Variants in GOLGA8B observed in about 807,000 individuals in gnomAD.
The protein encoded by GOLGA8B is golgin A8 family member B.
In GOLGA8B, 1 loss-of-function variant was observed where a neutral mutation model predicts 15.6. That is an observed-to-expected ratio of 0.06 (90% CI 0.02 to 0.30). The LOEUF is 0.30. Among genes scored for constraint, GOLGA8B ranks in the 10% least tolerant of loss-of-function variants. GOLGA8B has a pLI of 1.00. For synonymous variants in GOLGA8B, 9 were observed against 80.3 expected (o/e 0.11, Z 4.75); for missense variants, 17 against 201.3 (o/e 0.08, Z 5.54).
chr15:34,567,702 TGAC>T, intron 1 of GOLGA8B, among the ~76,000 whole-genome samples: 1 of 151,966 alleles, frequency 6.6e-6, no homozygotes, highest in East Asian at 1.9e-4. Flanking sequence ...ACCCAGGAAA[TGAC>T]GCACACGGGC....
intron 1 of GOLGA8B, among the ~76,000 whole-genome samples, chr15:34,574,232 G>A (rs1889003945): frequency 6.6e-6 from 1 of 151,746 alleles, no homozygotes; most frequent in Non-Finnish European, 1.5e-5. Context: ...ATGATACAAA[G>A]GTCTAATCGC....
rs899347635 is a variant in GOLGA8B at position 34,526,926 on chromosome 15, T to C, written c.*706A>G. ...AACTGCCACAGTACAGTGCTCATTC[T>C]TGGCACCGGAACAGATGAAACACAC... On this transcript the variant is annotated 3_prime_UTR_variant, in exon 24 of 24. Transcript: ENST00000683415. 1.3e-5 allele frequency: 2 copies of C among 153,294 alleles called. 1 individual carries two copies. Among genetic ancestry groups the C allele is most frequent in the Admixed American group, 1.3e-4 (2 of 15,272 alleles). The allele number at this position is 153,294 out of a possible 1,614,324, so 9.5% of individuals were successfully genotyped here.
At chr15:34,571,468 G>C (rs1372541173) in intron 1 of GOLGA8B, among the ~76,000 whole-genome samples, 1 of 151,850 alleles carries the variant, frequency 6.6e-6, no homozygotes, top group Non-Finnish European at 1.5e-5. Context: ...ACGGTAGATA[G>C]TGGCACAACA....
chr15:34,575,947 C>G (rs1477818181), intron 1 of GOLGA8B, among the ~76,000 whole-genome samples: 1 of 152,212 alleles, frequency 6.6e-6, no homozygotes, highest in African/African-American at 2.4e-5. Flanking sequence ...ATGGACAGTG[C>G]TCCAGGCAAA....
intron 1 of GOLGA8B, among the ~76,000 whole-genome samples, chr15:34,564,904 C>T (rs1434712696): frequency 6.9e-6 from 1 of 144,082 alleles, no homozygotes; most frequent in Admixed American, 6.8e-5. Flanking sequence ...GGCACAAACA[C>T]ATGGCACATT....
At position 34,525,403 on chromosome 15, in the gene GOLGA8B, T is replaced by C. The variant is rs1465076075; in HGVS notation, c.*2229A>G. On this transcript the variant is annotated 3_prime_UTR_variant, in exon 24 of 24. Coordinates refer to ENST00000683415, the MANE Select transcript of GOLGA8B (RefSeq NM_001023567.5). ...CATTCTGTTAACAAGAACCCATACATTGGTAAAATTCATTCTAAGAAAACT... is the reference window on the plus strand; with the variant it reads ...CATTCTGTTAACAAGAACCCATACACTGGTAAAATTCATTCTAAGAAAACT... 5.3e-5 allele frequency: 8 copies of C among 150,004 alleles called. 1 individual carries two copies. The East Asian group carries it at 7.8e-4, about 15-fold the overall frequency. The allele number at this position is 150,004 out of a possible 1,614,324, so 9.3% of individuals were successfully genotyped here. A position where few individuals can be genotyped will look rare whatever the true frequency, so the allele number is the denominator to read the frequency against.
In GOLGA8B at chr15:34,525,139, C is replaced by A. The variant is rs1894416747; in HGVS notation, c.*2493G>T. 1 of 149,720 alleles carries A rather than the reference C, an allele frequency of 6.7e-6. No homozygotes were observed. Among genetic ancestry groups the A allele is most frequent in the Admixed American group, 6.8e-5 (1 of 14,732 alleles). 9.3% of individuals were successfully genotyped at this position (149,720 alleles called of 1,614,324 possible). On this transcript the variant is annotated 3_prime_UTR_variant, in exon 24 of 24. Transcript: ENST00000683415. ...TTTTATTTTGTGTTCTTTTAATAAA[C>A]ACTTGCATAGTTATACTACAATTTT...
intron 1 of GOLGA8B, among the ~76,000 whole-genome samples, chr15:34,575,897 AG>A: frequency 6.6e-6 from 1 of 152,344 alleles, no homozygotes. Flanking sequence ...GGAATATAGT[AG>A]CTGCTTGGAA....
intron 1 of GOLGA8B, among the ~76,000 whole-genome samples, chr15:34,573,607 T>C (rs1426730985): frequency 7.7e-6 from 1 of 130,374 alleles, no homozygotes; most frequent in Non-Finnish European, 1.6e-5. Flanking sequence ...ACATAGAAAA[T>C]AATCGAGTCC....
At chr15:34,579,094 C>G (rs941429892) in intron 1 of GOLGA8B, among the ~76,000 whole-genome samples, 2 of 151,954 alleles carry the variant, frequency 1.3e-5, no homozygotes, top group Admixed American at 6.6e-5. Context: ...GCCTCATGCG[C>G]ACATTGCAGA....
intron 1 of GOLGA8B, among the ~76,000 whole-genome samples, chr15:34,564,968 G>A (rs1414779090): frequency 1.4e-5 from 2 of 143,620 alleles, no homozygotes; most frequent in African/African-American, 5.0e-5. Context: ...GATGAATTAA[G>A]GGGCTGGAAA....
rs1253977988 is a variant in GOLGA8B at position 34,525,658 on chromosome 15, G to C, written c.*1974C>G. The C allele has an allele frequency of 2.0e-5, 3 of 149,634 alleles. No individual in the cohort carries two copies. Among genetic ancestry groups the C allele is most frequent in the Non-Finnish European group, 3.0e-5 (2 of 67,198 alleles). The allele number at this position is 149,634 out of a possible 1,614,324, so 9.3% of individuals were successfully genotyped here. ...ATACCACTATTAGCCACATTATTTG[G>C]TCTAATATTTTTTCTTTATTATTCT... On this transcript the variant is annotated 3_prime_UTR_variant, in exon 24 of 24. Coordinates refer to ENST00000683415, the MANE Select transcript of GOLGA8B (RefSeq NM_001023567.5).
In GOLGA8B at chr15:34,556,887, C is replaced by T. The variant is rs754588817; in HGVS notation, c.-1122-2931G>A. 371 of 856,822 alleles carry T rather than the reference C, an allele frequency of 4.3e-4. 1 individual carries two copies. The Middle Eastern group carries it at 4.4e-3, about 10-fold the overall frequency. The allele number at this position is 856,822 out of a possible 1,614,324, so 53.1% of individuals were successfully genotyped here. A position where few individuals can be genotyped will look rare whatever the true frequency, so the allele number is the denominator to read the frequency against. On this transcript the variant is annotated intron_variant, in intron 1 of 23. Coordinates refer to ENST00000683415, the MANE Select transcript of GOLGA8B (RefSeq NM_001023567.5). Reference sequence around the variant, plus strand: ...GCAAGGGACCTCAGGGTACAGGCCTCGCAGATGCTGAAGCGAGGAGGTGGG... The same window carrying T: ...GCAAGGGACCTCAGGGTACAGGCCTTGCAGATGCTGAAGCGAGGAGGTGGG...
At chr15:34,573,015 C>T (rs77139108) in intron 1 of GOLGA8B, among the ~76,000 whole-genome samples, 9,923 of 147,410 alleles carry the variant, frequency 0.067, no homozygotes, top group South Asian at 0.17. Flanking sequence ...CTCAGGAGAC[C>T]GAGGCAGGAG....
Position 34,527,262 on chromosome 15 carries a change from T to A in GOLGA8B, c.*370A>T. ...TGAATTCTGTAATGAACATCCATGC[T>A]GCAATAACATTAAAAAAGCACGGGA... On this transcript the variant is annotated 3_prime_UTR_variant, in exon 24 of 24. Coordinates refer to ENST00000683415, the MANE Select transcript of GOLGA8B (RefSeq NM_001023567.5). 1 of 355,020 alleles carries A rather than the reference T, an allele frequency of 2.8e-6. No individual in the cohort carries two copies. The highest frequency in any genetic ancestry group is 5.3e-6 in the Non-Finnish European group (1 of 188,434). 22.0% of individuals were successfully genotyped at this position (355,020 alleles called of 1,614,324 possible).
intron 1 of GOLGA8B, among the ~76,000 whole-genome samples, chr15:34,574,459 A>G (rs1243897807): frequency 6.6e-6 from 1 of 151,640 alleles, no homozygotes; most frequent in African/African-American, 2.4e-5. Context: ...ATGAGCCACC[A>G]CATCTGGCTA....
At chr15:34,557,973 A>AG in intron 1 of GOLGA8B, among the ~76,000 whole-genome samples, 2 of 127,240 alleles carry the variant, frequency 1.6e-5, no homozygotes, top group Middle Eastern at 7.4e-3. Context: ...TGAGCAGCTC[A>AG]GGAAAACTAC....
Position 34,564,865 on chromosome 15 carries a change from T to G in GOLGA8B, c.-1122-10909A>C, listed in dbSNP as rs1888718274. Among the ~76,000 whole-genome samples the G allele has an allele frequency of 1.4e-5, 2 of 144,080 alleles. 1 individual carries two copies. Among genetic ancestry groups the G allele is most frequent in the South Asian group, 4.3e-4 (2 of 4,652 alleles). The allele number at this position is 144,080 out of a possible 152,430, so 94.5% of individuals were successfully genotyped here. The stretch of plus-strand genomic sequence containing the variant: ...ATGCCATGGAGTCTGGACTCCACCC[T>G]GTAGGTGACAGGAGCCAAGACAGGG... On this transcript the variant is annotated intron_variant, in intron 1 of 23. Transcript: ENST00000683415.
At chr15:34,566,975 A>G (rs349642) in intron 1 of GOLGA8B, among the ~76,000 whole-genome samples, 12,935 of 81,264 alleles carry the variant, frequency 0.16, 978 homozygotes, top group African/African-American at 0.26. Context: ...AGCGTCACCC[A>G]AGTGCTCCCG....
Sources: gnomAD v4.1 joint callset for allele counts (sites outside exome capture counted in the v4.1 genomes callset) on GRCh38, gnomAD v4.1.1 for gene constraint, MANE v1.5 for transcripts, NCBI Gene and HGNC (gene_info 2026-07-23, HGNC 2026-07-21) for gene names.